The following RBM44 variants were observed in gnomAD, a reference collection of about 807,000 sequenced individuals.
The protein encoded by RBM44 is RNA binding motif protein 44.
In RBM44, 66 loss-of-function variants were observed where a neutral mutation model predicts 105.1. The observed-to-expected ratio is 0.63, with a 90% CI of 0.52 to 0.77. The LOEUF is 0.77. RBM44 is among the 30% of genes least tolerant of loss of function. RBM44 has a pLI of 0.00. For missense variants in RBM44, 1,122 were observed against 1,207.8 expected (o/e 0.93, Z 1.05); for synonymous variants, 365 against 417.6 (o/e 0.87, Z 1.54).
Position 237,834,074 on chromosome 2 carries a change from T to G in RBM44, c.2964T>G (p.Asn988Lys). ...PDTPVQFIPP[N>K]TLNLRSFTKI... The stretch of plus-strand genomic sequence containing the variant: ...CACCCGTTCAATTCATACCTCCAAA[T>G]ACATTGAACCTTCGTAGCTTTACCA... Residue 988 changes from asparagine to lysine, a missense_variant, in exon 14 of 16, where the codon AAT becomes AAG. Around this residue, in one of 3 missense-constraint regions of RBM44, gnomAD observed 194 missense variants for 225.5 expected, o/e 0.86. Transcript: ENST00000316997. 1 of 1,582,094 alleles carries G rather than the reference T, an allele frequency of 6.3e-7. No homozygotes were observed.
intron 12 of RBM44, 62 bp downstream of exon 12, chr2:237,827,565 A>G: frequency 4.3e-6 from 4 of 939,992 alleles, no homozygotes; most frequent in South Asian, 1.5e-5. Flanking sequence ...CAAAGGTTCT[A>G]TACCAGATAT....
At chr2:237,819,187 A>G (rs1267395350) in intron 4 of RBM44, among the ~76,000 whole-genome samples, 1 of 152,038 alleles carries the variant, frequency 6.6e-6, no homozygotes, top group East Asian at 1.9e-4. Flanking sequence ...CATGGCATCT[A>G]ATCTTTACTT....
At chr2:237,810,173 A>G (rs1179244437) in intron 1 of RBM44, among the ~76,000 whole-genome samples, 1 of 152,242 alleles carries the variant, frequency 6.6e-6, no homozygotes, top group African/African-American at 2.4e-5. Flanking sequence ...TTACACCTAC[A>G]GAACATCTCA....
intron 1 of RBM44, among the ~76,000 whole-genome samples, chr2:237,810,247 A>G (rs1328468616): frequency 6.6e-6 from 1 of 152,238 alleles, no homozygotes; most frequent in African/African-American, 2.4e-5. Context: ...ATGCAGCTCT[A>G]GGTAATTTTG....
chr2:237,809,253 G>T (rs2061630868), intron 1 of RBM44, among the ~76,000 whole-genome samples: 1 of 152,172 alleles, frequency 6.6e-6, no homozygotes, highest in African/African-American at 2.4e-5. Flanking sequence ...TTACTAGTTT[G>T]CAGGAGTACT....
chr2:237,831,910 G>A (rs1274193328), intron 13 of RBM44, among the ~76,000 whole-genome samples: 5 of 152,186 alleles, frequency 3.3e-5, no homozygotes, highest in African/African-American at 1.2e-4. Flanking sequence ...AGCTGCGTGG[G>A]GCCCTGAGCT....
chr2:237,800,138 A>G (rs1479663012), intron 1 of RBM44, among the ~76,000 whole-genome samples: 1 of 151,986 alleles, frequency 6.6e-6, no homozygotes, highest in African/African-American at 2.4e-5. Flanking sequence ...GACCTGCTCA[A>G]CACTGTTGTT....
In RBM44 at chr2:237,834,057, C is replaced by A; in HGVS notation, c.2947C>A (p.Gln983Lys). 1 of 1,575,910 alleles carries A rather than the reference C, an allele frequency of 6.3e-7. No individual in the cohort carries two copies. Among genetic ancestry groups the A allele is most frequent in the East Asian group, 2.3e-5 (1 of 43,898 alleles). ...TAAATTATTACCTGATACACCCGTT[C>A]AATTCATACCTCCAAATACATTGAA... ...SAKLLPDTPV[Q>K]FIPPNTLNLR... The change falls in exon 14 of 16, where the codon CAA (glutamine) becomes AAA (lysine). Residue 983 changes from glutamine (Q) to lysine (K), a missense_variant. Coordinates refer to ENST00000316997, the MANE Select transcript of RBM44 (RefSeq NM_001080504.3).
intron 13 of RBM44, 79 bp downstream of exon 13, chr2:237,829,581 C>T: frequency 8.1e-7 from 1 of 1,232,744 alleles, no homozygotes; most frequent in Non-Finnish European, 1.1e-6. Flanking sequence ...TAAATAACTT[C>T]AATATGCAGT....
chr2:237,830,345 T>A (rs1348661227), intron 13 of RBM44, among the ~76,000 whole-genome samples: 2 of 152,190 alleles, frequency 1.3e-5, no homozygotes, highest in African/African-American at 4.8e-5. Flanking sequence ...ATATTCTGAT[T>A]TTAAGTCCTT....
intron 1 of RBM44, among the ~76,000 whole-genome samples, chr2:237,800,209 A>G (rs2061531564): frequency 6.6e-6 from 1 of 151,948 alleles, no homozygotes; most frequent in Admixed American, 6.5e-5. Flanking sequence ...TTTGATTTGC[A>G]TTTCCTTCAT....
intron 15 of RBM44, among the ~76,000 whole-genome samples, chr2:237,837,667 CT>C (rs1234502478): frequency 2.1e-5 from 3 of 143,740 alleles, no homozygotes; most frequent in African/African-American, 7.3e-5. Flanking sequence ...AAAGTGCTCT[CT>C]TTTTTTATTA....
intron 15 of RBM44, among the ~76,000 whole-genome samples, chr2:237,838,369 G>T (rs1009271617): frequency 6.6e-6 from 1 of 152,042 alleles, no homozygotes; most frequent in Non-Finnish European, 1.5e-5. Context: ...TTTAGAAGAA[G>T]CCCTACTCTA....
Position 237,827,299 on chromosome 2 carries a change from T to G in RBM44, c.2499T>G (p.His833Gln). 1 of 1,594,792 alleles carries G rather than the reference T, an allele frequency of 6.3e-7. No homozygotes were observed. The highest frequency in any genetic ancestry group is 1.1e-5 in the South Asian group (1 of 88,452). Residue 833 changes from histidine to glutamine, a missense_variant, in exon 11 of 16, where the codon CAT becomes CAG. Coordinates refer to ENST00000316997, the MANE Select transcript of RBM44 (RefSeq NM_001080504.3). ...PSQRDKGYLI[H>Q]VGGLCPSVSE... is the part of the protein sequence containing the mutation. ...AAAGAGATAAAGGTTATTTGATACA[T>G]GTTGGTGGCCTCTGCCCTTCAGTAT...
intron 13 of RBM44, among the ~76,000 whole-genome samples, chr2:237,830,394 G>T (rs973654874): frequency 6.6e-6 from 1 of 151,756 alleles, no homozygotes; most frequent in Admixed American, 6.6e-5. Context: ...TTCTCACTTC[G>T]TGCCTTGTCT....
At chr2:237,830,498 C>T (rs1355810955) in intron 13 of RBM44, among the ~76,000 whole-genome samples, 1 of 151,750 alleles carries the variant, frequency 6.6e-6, no homozygotes, top group Non-Finnish European at 1.5e-5. Flanking sequence ...ATAATGTATG[C>T]TTTTAGTGTT....
In RBM44 at chr2:237,834,042, C is replaced by T. The variant is rs1236040300; in HGVS notation, c.2932C>T (p.Pro978Ser). The change falls in exon 14 of 16, where the codon CCT becomes TCT. Residue 978 changes from proline to serine, a missense_variant. By Grantham distance (74) the Pro-to-Ser change is moderately conservative. This residue lies in a region of RBM44 where 194 missense variants were observed against 225.5 expected (regional missense o/e 0.86). Coordinates refer to ENST00000316997, the MANE Select transcript of RBM44 (RefSeq NM_001080504.3). ...GCAGATTGAATCTGCTAAATTATTACCTGATACACCCGTTCAATTCATACC... is the reference window on the plus strand; with the variant it reads ...GCAGATTGAATCTGCTAAATTATTATCTGATACACCCGTTCAATTCATACC... Reference protein sequence around the residue: ...CKQIESAKLLPDTPVQFIPPN... With the variant: ...CKQIESAKLLSDTPVQFIPPN... 1 of 1,568,058 alleles carries T rather than the reference C, an allele frequency of 6.4e-7. No homozygotes were observed. The highest frequency in any genetic ancestry group is 8.7e-7 in the Non-Finnish European group (1 of 1,153,906).
intron 9 of RBM44, among the ~76,000 whole-genome samples, chr2:237,823,974 A>T (rs2061820782): frequency 6.6e-6 from 1 of 152,196 alleles, no homozygotes; most frequent in Non-Finnish European, 1.5e-5. Flanking sequence ...TAAAGATAAT[A>T]TGTCTTTTTC....
intron 1 of RBM44, among the ~76,000 whole-genome samples, chr2:237,800,949 C>T (rs928332370): frequency 6.6e-6 from 1 of 152,186 alleles, no homozygotes; most frequent in Non-Finnish European, 1.5e-5. Flanking sequence ...AAACTCCTGA[C>T]CTCAAGTAAT....
Sources: gnomAD v4.1 joint callset for allele counts (sites outside exome capture counted in the v4.1 genomes callset) on GRCh38, gnomAD v4.1.1 for gene constraint, gnomAD v4.1.1 regional missense constraint, MANE v1.5 for transcripts, NCBI Gene and HGNC (gene_info 2026-07-23, HGNC 2026-07-21) for gene names.